Variants in CSMD1 observed in about 807,000 individuals in gnomAD.
The protein encoded by CSMD1 is CUB and Sushi multiple domains 1.
CSMD1 carries 213 observed loss-of-function variants against 417.5 expected under a neutral mutation model. The ratio of observed to expected loss-of-function variants is 0.51; its 90% CI spans 0.46 to 0.57. CSMD1 has a LOEUF of 0.57. Among genes scored for constraint, CSMD1 ranks in the 20% least tolerant of loss-of-function variants. The pLI is 0.00. For synonymous variants in CSMD1, 2,862 were observed against 1,736.8 expected, an observed-to-expected ratio of 1.65 and a Z score of -16.11; for missense variants, 6,923 against 4,529.7, an observed-to-expected ratio of 1.53 and a Z score of -15.17.
chr8:4,358,895 A>G (rs1801590466), intron 3 of CSMD1, among the ~76,000 whole-genome samples: 1 of 152,200 alleles, frequency 6.6e-6, no homozygotes, highest in South Asian at 2.1e-4. Context: ...ACCTAAAACT[A>G]CAGGACAGTG....
intron 2 of CSMD1, among the ~76,000 whole-genome samples, chr8:4,545,318 C>T (rs1259132632): frequency 1.3e-5 from 2 of 152,162 alleles, no homozygotes; most frequent in Non-Finnish European, 2.9e-5. Context: ...GTTTCTAACA[C>T]CAGAAAAGCC....
At chr8:4,852,788 A>C (rs1365130987) in intron 1 of CSMD1, among the ~76,000 whole-genome samples, 1 of 152,136 alleles carries the variant, frequency 6.6e-6, no homozygotes, top group Admixed American at 6.5e-5. Flanking sequence ...CAGGCTGATG[A>C]GGTCTTAGAT....
chr8:4,381,546 T>C (rs1803104854), intron 3 of CSMD1, among the ~76,000 whole-genome samples: 1 of 152,050 alleles, frequency 6.6e-6, no homozygotes, highest in Non-Finnish European at 1.5e-5. Context: ...GGAGGAGGTA[T>C]TTTTGGAGAT....
chr8:4,921,145 A>G (rs1463729181), intron 1 of CSMD1, among the ~76,000 whole-genome samples: 1 of 151,978 alleles, frequency 6.6e-6, no homozygotes, highest in East Asian at 1.9e-4. Flanking sequence ...AGAAAGAAAG[A>G]AATTATGATG....
chr8:4,793,813 G>C (rs1008912038), intron 1 of CSMD1, among the ~76,000 whole-genome samples: 15 of 136,866 alleles, frequency 1.1e-4, no homozygotes, highest in African/African-American at 4.0e-4. Context: ...GATCTAGAAA[G>C]CAGGCCACAA....
intron 7 of CSMD1, among the ~76,000 whole-genome samples, chr8:3,618,059 T>G (rs1016291488): frequency 1.2e-4 from 18 of 152,124 alleles, no homozygotes; most frequent in Non-Finnish European, 2.5e-4. Flanking sequence ...GGGAGTGCAG[T>G]GGCACAATCA....
chr8:4,065,950 A>G (rs1277540806), intron 3 of CSMD1, among the ~76,000 whole-genome samples: 2 of 152,198 alleles, frequency 1.3e-5, no homozygotes, highest in Admixed American at 1.3e-4. Context: ...CTGACAAATC[A>G]TTGATGTTCG....
intron 2 of CSMD1, among the ~76,000 whole-genome samples, chr8:4,437,863 C>T (rs1024508944): frequency 3.9e-5 from 6 of 152,118 alleles, no homozygotes; most frequent in African/African-American, 1.4e-4. Flanking sequence ...GTTCACCTGC[C>T]TCACTGGTGT....
intron 3 of CSMD1, among the ~76,000 whole-genome samples, chr8:4,177,241 C>G (rs1238933237): frequency 6.6e-6 from 1 of 152,178 alleles, no homozygotes; most frequent in African/African-American, 2.4e-5. Context: ...TCTCACACCA[C>G]AGTGCAATCA....
intron 1 of CSMD1, among the ~76,000 whole-genome samples, chr8:4,832,865 A>G (rs894827732): frequency 1.3e-5 from 2 of 152,150 alleles, no homozygotes; most frequent in Non-Finnish European, 2.9e-5. Context: ...GTGAGGGCGT[A>G]TGAGAACTGC....
At chr8:3,475,873 T>C (rs1171569889) in intron 11 of CSMD1, among the ~76,000 whole-genome samples, 5 of 152,230 alleles carry the variant, frequency 3.3e-5, no homozygotes, top group Non-Finnish European at 7.3e-5. Context: ...CTCTTTCCAA[T>C]GCAAATGTGT....
At chr8:4,873,260 T>G (rs978598864) in intron 1 of CSMD1, among the ~76,000 whole-genome samples, 2 of 152,070 alleles carry the variant, frequency 1.3e-5, no homozygotes, top group African/African-American at 4.8e-5. Context: ...TTCACTCAGA[T>G]CAAAATCTCT....
intron 5 of CSMD1, among the ~76,000 whole-genome samples, chr8:3,830,839 C>G (rs1451217829): frequency 6.6e-6 from 1 of 152,208 alleles, no homozygotes; most frequent in Non-Finnish European, 1.5e-5. Flanking sequence ...GCTCTCCTTT[C>G]ATGCATGCCT....
At chr8:4,709,488 C>T (rs968860139) in intron 1 of CSMD1, among the ~76,000 whole-genome samples, 1 of 152,174 alleles carries the variant, frequency 6.6e-6, no homozygotes, top group African/African-American at 2.4e-5. Context: ...ACAGGGGGAG[C>T]CTCATGTGCC....
At chr8:4,783,613 G>T (rs765855689) in intron 1 of CSMD1, among the ~76,000 whole-genome samples, 25 of 152,234 alleles carry the variant, frequency 1.6e-4, no homozygotes, top group Non-Finnish European at 2.9e-4. Flanking sequence ...TCATTGCAGT[G>T]CCTCTTTTCA....
intron 1 of CSMD1, among the ~76,000 whole-genome samples, chr8:4,809,711 C>T (rs1385505505): frequency 6.6e-6 from 1 of 152,118 alleles, no homozygotes; most frequent in Non-Finnish European, 1.5e-5. Context: ...CTAGCATATC[C>T]AAAACATCTG....
intron 26 of CSMD1, among the ~76,000 whole-genome samples, chr8:3,238,279 A>G (rs1799280464): frequency 6.6e-6 from 1 of 152,112 alleles, no homozygotes; most frequent in African/African-American, 2.4e-5. Context: ...CAGTTAAGGC[A>G]GGAACAGGCC....
intron 3 of CSMD1, among the ~76,000 whole-genome samples, chr8:4,169,844 A>C (rs1411874269): frequency 1.3e-5 from 2 of 152,082 alleles, no homozygotes; most frequent in African/African-American, 4.8e-5. Context: ...TTATTTCCAT[A>C]GCATGCGTCA....
intron 2 of CSMD1, among the ~76,000 whole-genome samples, chr8:4,575,041 G>T (rs1265010921): frequency 6.6e-6 from 1 of 152,132 alleles, no homozygotes; most frequent in Non-Finnish European, 1.5e-5. Flanking sequence ...GGAAAACCAG[G>T]TTTTTTAAAA....
Sources: gnomAD v4.1 joint callset for allele counts (sites outside exome capture counted in the v4.1 genomes callset) on GRCh38, gnomAD v4.1.1 for gene constraint, MANE v1.5 for transcripts, NCBI Gene and HGNC (gene_info 2026-07-23, HGNC 2026-07-21) for gene names.